The following LDHAL6A variants were observed in gnomAD, a reference collection of about 807,000 sequenced individuals.
The protein encoded by LDHAL6A is L-lactate dehydrogenase A-like 6A.
LDHAL6A carries 19 observed loss-of-function variants against 28.2 expected under a neutral mutation model. That is an observed-to-expected ratio of 0.67 (90% CI 0.47 to 0.99). LDHAL6A has a LOEUF of 0.99. Ranked by LOEUF, LDHAL6A falls within the 50% of genes least tolerant of loss-of-function variation. The pLI is 0.00. For synonymous variants in LDHAL6A, 144 were observed against 134.4 expected, an observed-to-expected ratio of 1.07 and a Z score of -0.49; for missense variants, 372 against 398.6, an observed-to-expected ratio of 0.93 and a Z score of 0.57.
In LDHAL6A at chr11:18,478,768, T is replaced by C; in HGVS notation, c.897T>C (p.Gly299=). 1.9e-6 allele frequency: 3 copies of C among 1,613,056 alleles called. No homozygotes were observed. In the East Asian group the frequency reaches 6.7e-5, roughly 36 times the overall value. The change falls in exon 7 of 7, where the codon GGT becomes GGC. Residue 299 remains glycine (G), a synonymous_variant. Coordinates refer to ENST00000280706, the MANE Select transcript of LDHAL6A (RefSeq NM_144972.5). ...LSVPCILGEN[G]ITDLIKVKLT... Reference sequence around the variant, plus strand: ...TCCCATGTATCCTGGGAGAGAATGGTATCACAGACCTCATAAAAGTAAAAC... The same window carrying C: ...TCCCATGTATCCTGGGAGAGAATGGCATCACAGACCTCATAAAAGTAAAAC...
rs370546421 is a variant in LDHAL6A, at chr11:18,478,873, T to C, written c.*3T>C. The C allele has an allele frequency of 2.7e-4, 441 of 1,607,342 alleles. No homozygotes were observed. Among genetic ancestry groups the C allele is most frequent in the Non-Finnish European group, 3.6e-4 (418 of 1,177,090 alleles). ...TTCAGAAGGAGCTCAAGCTTTAAAG[T>C]TGCTTAAAGCTAATTCTGTAGATTG... On this transcript the variant is annotated 3_prime_UTR_variant, in exon 7 of 7. Coordinates refer to ENST00000280706, the MANE Select transcript of LDHAL6A (RefSeq NM_144972.5).
At chr11:18,469,225 G>T in intron 3 of LDHAL6A, 1 of 625,010 alleles carries the variant, frequency 1.6e-6, no homozygotes, top group African/African-American at 1.9e-5. Context: ...AAGTCTGTGG[G>T]GACAGTAAGT....
Position 18,478,783 on chromosome 11 carries a change from A to G in LDHAL6A, c.912A>G (p.Ile304Met), listed in dbSNP as rs763653565. 6.2e-6 allele frequency: 10 copies of G among 1,613,814 alleles called. No individual in the cohort carries two copies. Among genetic ancestry groups the G allele is most frequent in the Middle Eastern group, 1.6e-4 (1 of 6,062 alleles). Residue 304 changes from isoleucine to methionine, a missense_variant, in exon 7 of 7, where the codon ATA becomes ATG. Ile to Met is a conservative substitution (Grantham distance 10). Coordinates refer to ENST00000280706, the MANE Select transcript of LDHAL6A (RefSeq NM_144972.5). ...ILGENGITDL[I>M]KVKLTLEEEA... ...GAGAGAATGGTATCACAGACCTCATAAAAGTAAAACTGACTCTTGAAGAGG... is the reference window on the plus strand; with the variant it reads ...GAGAGAATGGTATCACAGACCTCATGAAAGTAAAACTGACTCTTGAAGAGG...
rs923679878 is a variant in LDHAL6A at position 18,479,315 on chromosome 11, T to C, written c.*445T>C. 4.3e-5 allele frequency: 5 copies of C among 117,444 alleles called. No homozygotes were observed. Among genetic ancestry groups the C allele is most frequent in the African/African-American group, 2.3e-4 (5 of 22,216 alleles). 7.3% of individuals were successfully genotyped at this position (117,444 alleles called of 1,614,324 possible). A position where few individuals can be genotyped will look rare whatever the true frequency, so the allele number is the denominator to read the frequency against. On this transcript the variant is annotated 3_prime_UTR_variant, in exon 7 of 7. Coordinates refer to ENST00000280706, the MANE Select transcript of LDHAL6A (RefSeq NM_144972.5). ...TTAGTATCCAGATGATAGATGACAC[T>C]TTTTTTTTTTTTTTTTTAAAGTGAC...
intron 1 of LDHAL6A, among the ~76,000 whole-genome samples, chr11:18,462,384 TC>T (rs1848936920): frequency 6.6e-6 from 1 of 151,856 alleles, no homozygotes; most frequent in South Asian, 2.1e-4. Context: ...ATGCCTGTAA[TC>T]CCAGCACTTT....
intron 6 of LDHAL6A, 136 bp from the exon 7 acceptor site, chr11:18,478,570 G>T: frequency 1.5e-6 from 1 of 650,622 alleles, no homozygotes; most frequent in Non-Finnish European, 2.5e-6. Context: ...AAAAAAAAAA[G>T]AAAAAAGTTC....
chr11:18,474,828 C>A (rs1174912355), intron 3 of LDHAL6A, among the ~76,000 whole-genome samples: 2 of 152,192 alleles, frequency 1.3e-5, no homozygotes, highest in Non-Finnish European at 2.9e-5. Context: ...AAGACCCTGT[C>A]TCTATTAAAA....
intron 1 of LDHAL6A, among the ~76,000 whole-genome samples, chr11:18,461,941 T>C (rs1347250645): frequency 6.9e-6 from 1 of 145,372 alleles, no homozygotes; most frequent in Non-Finnish European, 1.5e-5. Context: ...ACTTGAGTCC[T>C]GGACTTTGAG....
At chr11:18,466,896 T>C (rs1200704860) in intron 3 of LDHAL6A, among the ~76,000 whole-genome samples, 1 of 151,140 alleles carries the variant, frequency 6.6e-6, no homozygotes, top group Non-Finnish European at 1.5e-5. Context: ...TGATAGATTA[T>C]GTCTAGTGAG....
chr11:18,466,635 C>T (rs1849081380), intron 3 of LDHAL6A, among the ~76,000 whole-genome samples: 1 of 123,898 alleles, frequency 8.1e-6, no homozygotes, highest in Non-Finnish European at 1.6e-5. Flanking sequence ...GCCTGGGTCA[C>T]AGTGAGACCC....
chr11:18,467,981 G>GTA (rs1491572064), intron 3 of LDHAL6A, among the ~76,000 whole-genome samples: 1 of 45,324 alleles, frequency 2.2e-5, no homozygotes, highest in Non-Finnish European at 3.3e-5. Context: ...ATATATATAC[G>GTA]TATATATATG....
chr11:18,458,956 T>G (rs1848827022), intron 1 of LDHAL6A, among the ~76,000 whole-genome samples: 1 of 152,078 alleles, frequency 6.6e-6, no homozygotes, highest in Non-Finnish European at 1.5e-5. Context: ...GGAAAGGGAG[T>G]CCAGAGAGAT....
intron 1 of LDHAL6A, among the ~76,000 whole-genome samples, chr11:18,457,590 C>T (rs1242411279): frequency 6.6e-6 from 1 of 152,140 alleles, no homozygotes; most frequent in Non-Finnish European, 1.5e-5. Context: ...AACTGCTGCT[C>T]CTGCCAGCCA....
chr11:18,476,344 T>A (rs367577493), intron 4 of LDHAL6A, 40 bp from the exon 5 acceptor site: 1 of 1,598,728 alleles, frequency 6.3e-7, no homozygotes, highest in Non-Finnish European at 8.5e-7. Flanking sequence ...ACCCTGCTAA[T>A]ACCATGTAAG....
At chr11:18,467,079 CAA>C (rs1467031085) in intron 3 of LDHAL6A, among the ~76,000 whole-genome samples, 3 of 152,078 alleles carry the variant, frequency 2.0e-5, no homozygotes, top group African/African-American at 7.2e-5. Flanking sequence ...AAATGATACT[CAA>C]GAGGAAATGT....
At chr11:18,461,864 A>G (rs1848917765) in intron 1 of LDHAL6A, among the ~76,000 whole-genome samples, 1 of 151,070 alleles carries the variant, frequency 6.6e-6, no homozygotes, top group South Asian at 2.1e-4. Flanking sequence ...AAAAAAGAAA[A>G]AAAAAAAAAA....
At chr11:18,476,235 A>C in intron 4 of LDHAL6A, 149 bp from the exon 5 acceptor site, 1 of 804,466 alleles carries the variant, frequency 1.2e-6, no homozygotes. Context: ...GTGGAGATCT[A>C]GATTTAGAAT....
chr11:18,477,802 A>AT (rs1849427981), intron 6 of LDHAL6A, 59 bp downstream of exon 6: 2 of 1,501,350 alleles, frequency 1.3e-6, no homozygotes. Flanking sequence ...GGTAAAGAAC[A>AT]TTTTTGAGGC....
chr11:18,477,540 T>C (rs574365733), intron 5 of LDHAL6A, 80 bp from the exon 6 acceptor site: 451 of 1,294,134 alleles, frequency 3.5e-4, no homozygotes, highest in Non-Finnish European at 4.5e-4. Flanking sequence ...TTTTGTGGCA[T>C]TGTTAGATAC....
Sources: gnomAD v4.1 joint callset for allele counts (sites outside exome capture counted in the v4.1 genomes callset) on GRCh38, gnomAD v4.1.1 for gene constraint, MANE v1.5 for transcripts, NCBI Gene and HGNC (gene_info 2026-07-23, HGNC 2026-07-21) for gene names.